WASHC5: variants seen among roughly 807,000 people sequenced by gnomAD.
The protein encoded by WASHC5 is WASH complex subunit 5.
WASHC5 carries 101 observed loss-of-function variants against 150.4 expected under a neutral mutation model. The ratio of observed to expected loss-of-function variants is 0.67; its 90% CI spans 0.57 to 0.79. WASHC5 has a LOEUF of 0.79. WASHC5 is among the 30% of genes least tolerant of loss of function. The probability of loss-of-function intolerance (pLI) is 0.00; values close to 1 mark genes in which losing one functional copy is unlikely to be tolerated. For synonymous variants in WASHC5, 467 were observed against 491.2 expected (o/e 0.95, Z 0.65); for missense variants, 1,195 against 1,396.3 (o/e 0.86, Z 2.30).
chr8:125,037,473 G>T (rs1225351576), intron 25 of WASHC5, 140 bp from the exon 26 acceptor site: 2 of 671,294 alleles, frequency 3.0e-6, no homozygotes, highest in Admixed American at 4.5e-5. Context: ...CCATTAATTT[G>T]CTGCCTTCAG....
Position 125,032,891 on chromosome 8 carries a change from T to C in WASHC5, c.3182-497A>G, listed in dbSNP as rs550461614. The stretch of plus-strand genomic sequence containing the variant: ...GAGTGGAAGAAGGATATTTATGAAG[T>C]GAATGAGTATCAAAGCTGGCCTTTA... On this transcript the variant is annotated intron_variant, in intron 26 of 28. Coordinates refer to ENST00000318410, the MANE Select transcript of WASHC5 (RefSeq NM_014846.4). Among the ~76,000 whole-genome samples the C allele has an allele frequency of 2.0e-5, 3 of 151,768 alleles. No individual in the cohort carries two copies. In the South Asian group the frequency reaches 6.3e-4, roughly 32 times the overall value.
intron 28 of WASHC5, among the ~76,000 whole-genome samples, chr8:125,025,833 G>GACAGACACACAC (rs1554589284): frequency 8.6e-4 from 127 of 148,130 alleles, no homozygotes; most frequent in African/African-American, 3.1e-3. Flanking sequence ...TATGCAGACA[G>GACAGACACACAC]ACACACACAC....
intron 14 of WASHC5, among the ~76,000 whole-genome samples, chr8:125,058,680 G>T (rs1255934494): frequency 6.6e-6 from 1 of 152,162 alleles, no homozygotes; most frequent in South Asian, 2.1e-4. Context: ...CCCGGGAGGA[G>T]GAGCTGCACT....
At chr8:125,034,096 A>G (rs914736726) in intron 26 of WASHC5, among the ~76,000 whole-genome samples, 1 of 152,208 alleles carries the variant, frequency 6.6e-6, no homozygotes, top group Non-Finnish European at 1.5e-5. Flanking sequence ...GGCACTTCGC[A>G]GAGAAGGATA....
intron 12 of WASHC5, among the ~76,000 whole-genome samples, chr8:125,060,797 T>C (rs569328960): frequency 6.6e-6 from 1 of 152,316 alleles, no homozygotes; most frequent in South Asian, 2.1e-4. Flanking sequence ...TTTACCTCCT[T>C]ATCACAATTT....
At chr8:125,049,593 T>G (rs1389368413) in intron 18 of WASHC5, among the ~76,000 whole-genome samples, 1 of 139,666 alleles carries the variant, frequency 7.2e-6, no homozygotes, top group Non-Finnish European at 1.5e-5. Flanking sequence ...ATGCCTGTAA[T>G]CTCGGCACTC....
intron 3 of WASHC5, chr8:125,082,777 G>A (rs1042589355): frequency 9.0e-5 from 34 of 378,222 alleles, no homozygotes; most frequent in African/African-American, 6.4e-4. Flanking sequence ...TTCTTAAGAA[G>A]TGTATTAAGA....
At chr8:125,030,478 C>G (rs932629700) in intron 27 of WASHC5, among the ~76,000 whole-genome samples, 1 of 151,976 alleles carries the variant, frequency 6.6e-6, no homozygotes, top group Non-Finnish European at 1.5e-5. Context: ...GAGGAGCTGG[C>G]CTGACTGCAG....
intron 5 of WASHC5, among the ~76,000 whole-genome samples, chr8:125,079,498 TA>T (rs1431818549): frequency 3.3e-5 from 5 of 152,038 alleles, no homozygotes; most frequent in Admixed American, 6.6e-5. Flanking sequence ...GCCTCAAAAT[TA>T]TATTTTTGAA....
At chr8:125,032,647 A>T (rs1815575353) in intron 26 of WASHC5, 1 of 501,278 alleles carries the variant, frequency 2.0e-6, no homozygotes. Flanking sequence ...GTTCTTTTGA[A>T]TTACTCAATT....
chr8:125,030,002 C>G (rs1388385428), intron 27 of WASHC5, among the ~76,000 whole-genome samples: 5 of 152,176 alleles, frequency 3.3e-5, no homozygotes, highest in African/African-American at 9.7e-5. Flanking sequence ...TCCTTAGATT[C>G]CTTTGCTCTG....
In WASHC5 at chr8:125,083,956, A is replaced by G; in HGVS notation, c.-58T>C. The G allele has an allele frequency of 6.6e-7, 1 of 1,511,776 alleles. No individual in the cohort carries two copies. Among genetic ancestry groups the G allele is most frequent in the Non-Finnish European group, 9.1e-7 (1 of 1,095,830 alleles). 93.6% of individuals were successfully genotyped at this position (1,511,776 alleles called of 1,614,324 possible). A position where few individuals can be genotyped will look rare whatever the true frequency, so the allele number is the denominator to read the frequency against. ...ACTGGGGATGATTAACTGGCCTCAG[A>G]GCTGGTGTCTGTATATTATTAGATG... On this transcript the variant is annotated 5_prime_UTR_variant, in exon 2 of 29. Coordinates refer to ENST00000318410, the MANE Select transcript of WASHC5 (RefSeq NM_014846.4).
Position 125,063,546 on chromosome 8 carries a change from G to A in WASHC5, c.1384C>T (p.Pro462Ser), listed in dbSNP as rs779595361. The change falls in exon 11 of 29, where the codon CCC (proline) becomes TCC (serine). Residue 462 changes from proline (P) to serine (S), a missense_variant. Around this residue, in one of 3 missense-constraint regions of WASHC5, gnomAD observed 997 missense variants for 1,168.1 expected, o/e 0.85. Transcript: ENST00000318410. ...CCATTTTTCTCCACTCTGGTTAGGGGTTTCACTCCTGAAAAGACATCAGCA... is the reference window on the plus strand; with the variant it reads ...CCATTTTTCTCCACTCTGGTTAGGGATTTCACTCCTGAAAAGACATCAGCA... ...ELADVFSGVK[P>S]LTRVEKNENL... The A allele has an allele frequency of 6.2e-7, 1 of 1,613,864 alleles. No individual in the cohort carries two copies. The highest frequency in any genetic ancestry group is 1.1e-5 in the South Asian group (1 of 91,072).
chr8:125,086,403 G>T (rs753262315), intron 1 of WASHC5, among the ~76,000 whole-genome samples: 1 of 152,094 alleles, frequency 6.6e-6, no homozygotes. Context: ...GCCTCCCAAA[G>T]TGCTGAGATT....
At chr8:125,055,119 T>C (rs925006463) in intron 17 of WASHC5, among the ~76,000 whole-genome samples, 2 of 152,164 alleles carry the variant, frequency 1.3e-5, no homozygotes, top group African/African-American at 4.8e-5. Context: ...TTTCTCTTCC[T>C]CCATCAATAA....
At chr8:125,066,834 G>C (rs62529095) in intron 10 of WASHC5, among the ~76,000 whole-genome samples, 2 of 152,002 alleles carry the variant, frequency 1.3e-5, no homozygotes, top group Non-Finnish European at 2.9e-5. Flanking sequence ...TCTCCATCAC[G>C]CTCCCTACCT....
At chr8:125,063,922 C>T (rs539838587) in intron 10 of WASHC5, among the ~76,000 whole-genome samples, 24 of 152,138 alleles carry the variant, frequency 1.6e-4, no homozygotes, top group Non-Finnish European at 3.5e-4. Flanking sequence ...TTCTCAAGGC[C>T]CACCCCCAAA....
intron 21 of WASHC5, 165 bp downstream of exon 21, chr8:125,044,371 T>C: frequency 2.6e-6 from 2 of 784,014 alleles, no homozygotes; most frequent in Non-Finnish European, 4.3e-6. Context: ...CCAAACAAAT[T>C]CTAGTTTATT....
Position 125,037,248 on chromosome 8 carries a change from T to C in WASHC5, c.3170A>G (p.Asn1057Ser). The C allele has an allele frequency of 6.3e-7, 1 of 1,592,596 alleles. No homozygotes were observed. Among genetic ancestry groups the C allele is most frequent in the Non-Finnish European group, 8.6e-7 (1 of 1,160,506 alleles). Residue 1057 changes from asparagine to serine, a missense_variant, in exon 26 of 29, where the codon AAC (asparagine) becomes AGC (serine). Transcript: ENST00000318410. ...AATGTTATACGTACCCAGATTTTTGTTGTATTGAAGTTTTGGCAACTGAGC... is the reference window on the plus strand; with the variant it reads ...AATGTTATACGTACCCAGATTTTTGCTGTATTGAAGTTTTGGCAACTGAGC... The part of the protein sequence containing the change: ...LIAQLPKLQY[N>S]KNLGMVCRKP...
Sources: allele counts gnomAD v4.1 joint callset (sites outside exome capture counted in the v4.1 genomes callset), GRCh38; gene constraint gnomAD v4.1.1; regional missense constraint gnomAD v4.1.1; transcripts MANE v1.5; gene names NCBI Gene and HGNC (gene_info 2026-07-23, HGNC 2026-07-21).